GPC5: variants seen among roughly 807,000 people sequenced by gnomAD.
The protein encoded by GPC5 is glypican-5.
GPC5 carries 47 observed loss-of-function variants against 53.9 expected under a neutral mutation model. That is an observed-to-expected ratio of 0.87 (90% CI 0.69 to 1.11). GPC5 has a LOEUF of 1.11. Among genes scored for constraint, GPC5 ranks in the 50% most tolerant of loss-of-function variants. The probability of loss-of-function intolerance (pLI) is 0.00; values close to 1 mark genes in which losing one functional copy is unlikely to be tolerated. For missense variants in GPC5, 748 were observed against 713.1 expected (o/e 1.05, Z -0.56); for synonymous variants, 286 against 263.3 (o/e 1.09, Z -0.84).
chr13:91,748,925 G>A (rs2037110011), intron 4 of GPC5, among the ~76,000 whole-genome samples: 1 of 152,096 alleles, frequency 6.6e-6, no homozygotes, highest in Non-Finnish European at 1.5e-5. Flanking sequence ...TAGGTGTGTG[G>A]GCTTTGGCTG....
chr13:92,777,879 C>A (rs1000690691), intron 7 of GPC5, among the ~76,000 whole-genome samples: 1 of 152,166 alleles, frequency 6.6e-6, no homozygotes, highest in Non-Finnish European at 1.5e-5. Flanking sequence ...TTGTGTACAC[C>A]TAGCACTTAC....
At chr13:92,430,264 A>G (rs750724402) in intron 7 of GPC5, among the ~76,000 whole-genome samples, 1 of 152,264 alleles carries the variant, frequency 6.6e-6, no homozygotes, top group South Asian at 2.1e-4. Flanking sequence ...TAAGAAATGT[A>G]TATGTGCTAA....
intron 7 of GPC5, among the ~76,000 whole-genome samples, chr13:92,646,445 A>G (rs1885772674): frequency 6.6e-6 from 1 of 151,974 alleles, no homozygotes; most frequent in Admixed American, 6.5e-5. Context: ...TTTAAATCAA[A>G]CCATATGAAT....
intron 7 of GPC5, among the ~76,000 whole-genome samples, chr13:92,486,929 C>T (rs1399536462): frequency 1.3e-5 from 2 of 151,678 alleles, no homozygotes; most frequent in Non-Finnish European, 2.9e-5. Context: ...TATCTCGGCT[C>T]ACTGTAAATT....
At chr13:92,411,558 A>G (rs777572929) in intron 7 of GPC5, among the ~76,000 whole-genome samples, 2 of 152,208 alleles carry the variant, frequency 1.3e-5, no homozygotes, top group Non-Finnish European at 2.9e-5. Flanking sequence ...CAGGACAAAC[A>G]TAGATTCAAC....
rs981238325 is a variant in GPC5, at chr13:91,679,299, A to G, written c.326-13888A>G. Among the ~76,000 whole-genome samples, 42 of 152,288 alleles carry G rather than the reference A, an allele frequency of 2.8e-4. 1 individual carries two copies. Among genetic ancestry groups the G allele is most frequent in the Middle Eastern group, 3.4e-3 (1 of 294 alleles). ...TGATGACTCACTGGACGTGGGCAAT[A>G]AAAGTTCTAAGACTTTGAGTCCAGA... On this transcript the variant is annotated intron_variant, in intron 2 of 7. Transcript: ENST00000377067.
At chr13:92,448,805 C>T (rs1278277098) in intron 7 of GPC5, 1 of 150,352 alleles carries the variant, frequency 6.7e-6, no homozygotes, top group Non-Finnish European at 1.5e-5. Context: ...GGACTTAATT[C>T]ACATCAAAAC....
chr13:92,039,325 G>T (rs1295781405), intron 6 of GPC5, among the ~76,000 whole-genome samples: 1 of 152,204 alleles, frequency 6.6e-6, no homozygotes, highest in African/African-American at 2.4e-5. Flanking sequence ...TATCAGTAGA[G>T]AGTGGAAAAT....
At chr13:92,854,227 T>C (rs1396540475) in intron 7 of GPC5, among the ~76,000 whole-genome samples, 1 of 147,780 alleles carries the variant, frequency 6.8e-6, no homozygotes, top group African/African-American at 2.5e-5. Flanking sequence ...ATATATGTTA[T>C]TCAATAAATA....
At chr13:92,845,384 C>G (rs1245967795) in intron 7 of GPC5, among the ~76,000 whole-genome samples, 1 of 152,084 alleles carries the variant, frequency 6.6e-6, no homozygotes, top group African/African-American at 2.4e-5. Context: ...AACCAGGAGG[C>G]CTGAGAACTA....
intron 6 of GPC5, among the ~76,000 whole-genome samples, chr13:91,965,816 T>C (rs1477786160): frequency 6.6e-6 from 1 of 152,202 alleles, no homozygotes; most frequent in Non-Finnish European, 1.5e-5. Context: ...TCTTGATAAA[T>C]TGATCTGTTT....
intron 7 of GPC5, among the ~76,000 whole-genome samples, chr13:92,725,470 C>T (rs550689904): frequency 6.6e-6 from 1 of 151,428 alleles, no homozygotes; most frequent in Non-Finnish European, 1.5e-5. Context: ...ATTAGTTTGG[C>T]AATTGCAACT....
chr13:92,172,183 G>T (rs1180933709), intron 7 of GPC5, among the ~76,000 whole-genome samples: 2 of 152,194 alleles, frequency 1.3e-5, no homozygotes, highest in Non-Finnish European at 2.9e-5. Flanking sequence ...GTGGATGGAT[G>T]AGAAGGAGAG....
intron 7 of GPC5, among the ~76,000 whole-genome samples, chr13:92,666,483 A>C (rs1566352794): frequency 6.6e-6 from 1 of 151,606 alleles, no homozygotes; most frequent in Non-Finnish European, 1.5e-5. Context: ...TAATTAAAAA[A>C]ATGCTATCAA....
chr13:92,220,705 G>A (rs913696415), intron 7 of GPC5, among the ~76,000 whole-genome samples: 2 of 152,078 alleles, frequency 1.3e-5, no homozygotes, highest in African/African-American at 4.8e-5. Flanking sequence ...TTTGAAGGAA[G>A]TTTATTCAAC....
In GPC5 at chr13:91,434,983, CTGTT is replaced by C. The variant is rs1000430925; in HGVS notation, c.164-13774_164-13771del. 5.5e-4 allele frequency among the ~76,000 whole-genome samples: 83 copies of C among 152,256 alleles called. 3 individuals are homozygous for C. Among genetic ancestry groups the C allele is most frequent in the Non-Finnish European group, 4.1e-4 (28 of 68,020 alleles). ...GGGAGTTCACTCATGATTTGGCTCT[CTGTT>C]TGTCCGTTATTGGTGTATAAGAACG... is the stretch of plus-strand genomic sequence containing the variant. On this transcript the variant is annotated intron_variant, in intron 1 of 7. Transcript: ENST00000377067.
intron 6 of GPC5, among the ~76,000 whole-genome samples, chr13:92,075,605 A>C (rs575079644): frequency 1.3e-5 from 2 of 152,330 alleles, no homozygotes; most frequent in South Asian, 2.1e-4. Context: ...TTTATCATTA[A>C]ATTTTTAATA....
At chr13:91,941,497 ACT>A (rs1222360338) in intron 6 of GPC5, among the ~76,000 whole-genome samples, 1 of 150,560 alleles carries the variant, frequency 6.6e-6, no homozygotes, top group Non-Finnish European at 1.5e-5. Context: ...GTTCCTAGGA[ACT>A]CTCTCTTCAA....
intron 7 of GPC5, among the ~76,000 whole-genome samples, chr13:92,276,135 G>C (rs1404954523): frequency 6.6e-6 from 1 of 152,142 alleles, no homozygotes; most frequent in African/African-American, 2.4e-5. Flanking sequence ...GTGTGTGTGT[G>C]AAGGTTGTTT....
Sources: allele counts gnomAD v4.1 joint callset (sites outside exome capture counted in the v4.1 genomes callset), GRCh38; gene constraint gnomAD v4.1.1; transcripts MANE v1.5; gene names NCBI Gene and HGNC (gene_info 2026-07-23, HGNC 2026-07-21).